Variants in CES5A observed in about 807,000 individuals in gnomAD.
CES5A encodes the protein carboxylesterase 5A, also known as carboxylesterase 5.
In CES5A, 67 loss-of-function variants were observed where a neutral mutation model predicts 62.9. The ratio of observed to expected loss-of-function variants is 1.07; its 90% CI spans 0.88 to 1.31. The LOEUF is 1.31. Ranked by LOEUF, CES5A falls within the 50% of genes most tolerant of loss-of-function variation. CES5A has a pLI of 0.00. For synonymous variants in CES5A, 296 were observed against 280.8 expected, an observed-to-expected ratio of 1.05 and a Z score of -0.54; for missense variants, 748 against 708.5, an observed-to-expected ratio of 1.06 and a Z score of -0.63.
At position 55,859,708 on chromosome 16, in the gene CES5A, A is replaced by C. The variant is rs750997415; in HGVS notation, c.916-21T>G. 3 of 1,592,832 alleles carry C rather than the reference A, an allele frequency of 1.9e-6. No homozygotes were observed. The African/African-American group carries it at 4.1e-5, about 22-fold the overall frequency. The stretch of plus-strand genomic sequence containing the variant: ...GTTTTCTGTAATAAGGAAGAAAAAA[A>C]AATCATCAGCTATCATCAGCTATTT... On this transcript the variant is annotated intron_variant, in intron 7 of 12. Coordinates refer to ENST00000290567, the MANE Select transcript of CES5A (RefSeq NM_001143685.2).
chr16:55,906,298 C>T (rs1027334583), intron 1 of CES5A, among the ~76,000 whole-genome samples: 4 of 152,160 alleles, frequency 2.6e-5, no homozygotes, highest in African/African-American at 7.2e-5. Flanking sequence ...TGTAATAATA[C>T]TCATTTTTCT....
At position 55,904,853 on chromosome 16, in the gene CES5A, T is replaced by C. The variant is rs181329520; in HGVS notation, c.-256+20470A>G. Among the ~76,000 whole-genome samples the C allele has an allele frequency of 3.3e-3, 510 of 152,242 alleles. 3 individuals carry two copies. Among genetic ancestry groups the C allele is most frequent in the African/African-American group, 0.012 (482 of 41,540 alleles). On this transcript the variant is annotated intron_variant, in intron 1 of 12. Transcript: ENST00000518005. ...AAGCCAGGGGTCAGCACCCCATGTT[T>C]CTAATCCATACCTCCCCCTACATCA...
At position 55,849,702 on chromosome 16, in the gene CES5A, A is replaced by G; in HGVS notation, c.1345T>C (p.Phe449Leu). 1.9e-6 allele frequency: 3 copies of G among 1,613,964 alleles called. No individual in the cohort carries two copies. Among genetic ancestry groups the G allele is most frequent in the Non-Finnish European group, 2.5e-6 (3 of 1,179,868 alleles). The stretch of plus-strand genomic sequence containing the variant: ...TCATCAGCGTGGTCGGCTTTGACAA[A>G]AGCTGGCTTCGTGTCTTCAAAGCAC... The part of the protein sequence containing the change: ...PQCFEDTKPA[F>L]VKADHADEVR... Residue 449 changes from phenylalanine (F) to leucine (L), a missense_variant, in exon 11 of 13, where the codon TTT (phenylalanine) becomes CTT (leucine). By Grantham distance (22) the Phe-to-Leu change is conservative. Coordinates refer to ENST00000290567, the MANE Select transcript of CES5A (RefSeq NM_001143685.2).
At chr16:55,924,395 A>G (rs2034238715) in intron 1 of CES5A, among the ~76,000 whole-genome samples, 1 of 151,926 alleles carries the variant, frequency 6.6e-6, no homozygotes, top group South Asian at 2.1e-4. Flanking sequence ...GAAAACTATA[A>G]AACACTAATG....
rs1390036033 is a variant in CES5A, at chr16:55,846,447, C to G, written c.*4G>C. ...GGAAACCAAAATCACAGAAAGATAA[C>G]TTCTCAAGGAGCACAAAAGAAAAAG... On this transcript the variant is annotated 3_prime_UTR_variant, in exon 13 of 13. Coordinates refer to ENST00000290567, the MANE Select transcript of CES5A (RefSeq NM_001143685.2). 2 of 1,609,212 alleles carry G rather than the reference C, an allele frequency of 1.2e-6. No individual in the cohort carries two copies. The highest frequency in any genetic ancestry group is 1.7e-6 in the Non-Finnish European group (2 of 1,176,090).
chr16:55,857,368 C>G (rs79748999), intron 8 of CES5A, among the ~76,000 whole-genome samples: 2,653 of 152,276 alleles, frequency 0.017, 83 homozygotes, highest in African/African-American at 0.061. Flanking sequence ...TTACCACTTT[C>G]TGGCAAAATT....
At chr16:55,871,527 AGG>A in intron 3 of CES5A, 96 bp downstream of exon 3, 7 of 1,363,568 alleles carry the variant, frequency 5.1e-6, no homozygotes, top group Non-Finnish European at 7.1e-6. Flanking sequence ...TTTACCCAAC[AGG>A]GGGTAGTTCC....
chr16:55,884,749 G>T (rs1266450956), intron 1 of CES5A, among the ~76,000 whole-genome samples: 5 of 152,042 alleles, frequency 3.3e-5, no homozygotes, highest in Non-Finnish European at 7.4e-5. Flanking sequence ...GTGCTACCAT[G>T]CCTGGCTAAT....
intron 1 of CES5A, among the ~76,000 whole-genome samples, chr16:55,880,547 C>A (rs1296199085): frequency 1.3e-5 from 2 of 152,142 alleles, no homozygotes; most frequent in African/African-American, 4.8e-5. Flanking sequence ...GCACACAAAC[C>A]AAGTCAGTCG....
Position 55,861,478 on chromosome 16 carries a change from T to G in CES5A, c.849A>C (p.Ser283=). 6.2e-7 allele frequency: 1 copy of G among 1,613,950 alleles called. No homozygotes were observed. The highest frequency in any genetic ancestry group is 8.5e-7 in the Non-Finnish European group (1 of 1,179,822). ...GGCACCTCAGCAGGGCCTCAGAGTC[T>G]GACGCATTGTTACCACAGAAATGTG... The part of the protein sequence containing the change: ...VVAHFCGNNA[S]DSEALLRCLR... Residue 283 remains serine (S), a synonymous_variant, in exon 7 of 13, where the codon TCA becomes TCC. Transcript: ENST00000290567.
intron 1 of CES5A, among the ~76,000 whole-genome samples, chr16:55,903,441 A>G (rs1413454593): frequency 2.0e-5 from 3 of 152,246 alleles, no homozygotes; most frequent in African/African-American, 7.2e-5. Context: ...GGCAAGATAT[A>G]TGAGTTCTGG....
chr16:55,875,587 C>T (rs1213403089), upstream of CES5A, among the ~76,000 whole-genome samples: 5 of 152,142 alleles, frequency 3.3e-5, no homozygotes, highest in African/African-American at 1.2e-4. Flanking sequence ...GCCTGTGATG[C>T]CAGAAAGACA....
upstream of CES5A, among the ~76,000 whole-genome samples, chr16:55,928,499 A>G (rs530751918): frequency 2.2e-4 from 34 of 152,294 alleles, no homozygotes; most frequent in Middle Eastern, 0.01. Flanking sequence ...CAGGTACACT[A>G]AAAACCCAGA....
chr16:55,881,402 G>A (rs551059627), intron 1 of CES5A, among the ~76,000 whole-genome samples: 3 of 152,298 alleles, frequency 2.0e-5, no homozygotes, highest in Non-Finnish European at 4.4e-5. Flanking sequence ...TGGTCTTGAG[G>A]GTGGTAAGCC....
intron 1 of CES5A, among the ~76,000 whole-genome samples, chr16:55,897,085 C>T (rs575261869): frequency 3.3e-5 from 5 of 151,960 alleles, no homozygotes; most frequent in African/African-American, 1.2e-4. Context: ...TACCTCAGGG[C>T]CTTCTCACTG....
At chr16:55,925,601 T>C (rs537620079), upstream of CES5A, 2 of 152,232 alleles carry the variant, frequency 1.3e-5, no homozygotes, top group East Asian at 3.9e-4. Context: ...AGTCAAAATA[T>C]GGAATCAACC....
chr16:55,859,980 T>A (rs2033319894), intron 7 of CES5A, among the ~76,000 whole-genome samples: 1 of 152,204 alleles, frequency 6.6e-6, no homozygotes, highest in South Asian at 2.1e-4. Context: ...ATGGTTTGGC[T>A]GTGTCCCCAC....
In CES5A at chr16:55,859,795, G is replaced by T. The variant is rs534070978; in HGVS notation, c.916-108C>A. 2,315 of 956,314 alleles carry T rather than the reference G, an allele frequency of 2.4e-3. 7 individuals carry two copies. Among genetic ancestry groups the T allele is most frequent in the Non-Finnish European group, 2.9e-3 (1,826 of 636,742 alleles). 59.2% of individuals were successfully genotyped at this position (956,314 alleles called of 1,614,324 possible). On this transcript the variant is annotated intron_variant, in intron 7 of 12. Coordinates refer to ENST00000290567, the MANE Select transcript of CES5A (RefSeq NM_001143685.2). ...GAAAAGCCAACCCAGTCTAGCACTG[G>T]CTTAAATGCACTTAAAAAGTAAAAA...
chr16:55,866,111 C>T lies in CES5A; in HGVS notation c.557G>A (p.Trp186Ter). The change falls in exon 5 of 13, where the codon TGG becomes TAG. Residue 186 changes from tryptophan to a stop codon, truncating the protein, a stop_gained. Transcript: ENST00000290567. LOFTEE classifies it high-confidence loss of function. ...CCAGTTCCCCGGAGCATGCTGATCC[C>T]ATGTGCTGAGGACAAGAGGCAGGGT... ...RLGIFGFFTT[W>*]DQHAPGNWAF... 1 of 1,611,554 alleles carries T rather than the reference C, an allele frequency of 6.2e-7. No individual in the cohort carries two copies. Among genetic ancestry groups the T allele is most frequent in the Non-Finnish European group, 8.5e-7 (1 of 1,178,470 alleles).
Sources: allele counts gnomAD v4.1 joint callset (sites outside exome capture counted in the v4.1 genomes callset), GRCh38; gene constraint gnomAD v4.1.1; transcripts MANE v1.5; gene names NCBI Gene and HGNC (gene_info 2026-07-23, HGNC 2026-07-21).